The following SIPA1L1 variants were observed in gnomAD, a reference collection of about 807,000 sequenced individuals.
SIPA1L1 encodes the protein signal induced proliferation associated 1 like 1.
Under a neutral mutation model 162.7 loss-of-function variants are expected in SIPA1L1, and 26 were observed. That is an observed-to-expected ratio of 0.16 (90% confidence interval 0.12 to 0.22). The LOEUF (loss-of-function observed/expected upper bound fraction) is 0.22. SIPA1L1 is among the 10% of genes least tolerant of loss of function. The pLI is 1.00. For missense variants in SIPA1L1, 1,874 were observed against 2,241.0 expected, an observed-to-expected ratio of 0.84 and a Z score of 3.31; for synonymous variants, 829 against 837.4, an observed-to-expected ratio of 0.99 and a Z score of 0.17.
rs1169742054 is a variant in SIPA1L1 at position 71,589,324 on chromosome 14, C to T, written c.1452C>T (p.His484=). 1.4e-5 allele frequency: 23 copies of T among 1,613,458 alleles called. No individual in the cohort carries two copies. The highest frequency in any genetic ancestry group is 1.3e-4 in the East Asian group (6 of 44,868). Residue 484 remains histidine, a synonymous_variant, in exon 5 of 24, where the codon CAC becomes CAT. Coordinates refer to ENST00000381232, the MANE Select transcript of SIPA1L1 (RefSeq NM_001386936.1). The part of the protein sequence containing the change: ...LDRVKRYIVE[H]VDLGAYYYRK... Reference sequence around the variant, plus strand: ...GAGTGAAAAGATACATCGTGGAACACGTAGATCTGGGTGCATACTATTATA... The same window carrying T: ...GAGTGAAAAGATACATCGTGGAACATGTAGATCTGGGTGCATACTATTATA...
chr14:71,502,651 A>G (rs2050354052), intron 2 of SIPA1L1, among the ~76,000 whole-genome samples: 1 of 152,182 alleles, frequency 6.6e-6, no homozygotes, highest in Non-Finnish European at 1.5e-5. Context: ...GTTGCAGATA[A>G]CTAAAATAAA....
chr14:71,556,665 C>T (rs114031582), intron 4 of SIPA1L1, among the ~76,000 whole-genome samples: 3,259 of 150,546 alleles, frequency 0.022, 117 homozygotes, highest in African/African-American at 0.075. Flanking sequence ...GGAAGGAGCA[C>T]GGAGCTTCCG....
chr14:71,365,433 A>G (rs2038195978), intron 2 of SIPA1L1, among the ~76,000 whole-genome samples: 2 of 151,862 alleles, frequency 1.3e-5, no homozygotes, highest in South Asian at 2.1e-4. Context: ...TCTTTCCACT[A>G]TTGCCCGTAG....
chr14:71,699,950 C>T (rs1001944511), intron 14 of SIPA1L1, among the ~76,000 whole-genome samples: 4 of 152,214 alleles, frequency 2.6e-5, no homozygotes, highest in Non-Finnish European at 5.9e-5. Flanking sequence ...CTACTAAATG[C>T]TTCTCTGAAC....
intron 4 of SIPA1L1, among the ~76,000 whole-genome samples, chr14:71,544,327 C>T (rs1007162018): frequency 2.0e-5 from 3 of 150,198 alleles, no homozygotes; most frequent in African/African-American, 7.4e-5. Context: ...TATGTATATA[C>T]ATATATCATG....
chr14:71,736,937 C>T (rs2085349590), intron 22 of SIPA1L1, among the ~76,000 whole-genome samples: 1 of 152,226 alleles, frequency 6.6e-6, no homozygotes, highest in African/African-American at 2.4e-5. Flanking sequence ...CCACTGCTGC[C>T]CGGCCCCAGC....
chr14:71,612,407 G>A (rs996129802), intron 5 of SIPA1L1, among the ~76,000 whole-genome samples: 3 of 151,974 alleles, frequency 2.0e-5, no homozygotes, highest in African/African-American at 4.8e-5. Flanking sequence ...TATTTGCTTT[G>A]TGTTTCTTTG....
chr14:71,618,746 T>C lies in SIPA1L1; in HGVS notation c.1499-11T>C, dbSNP rs757844593. 4 of 1,511,182 alleles carry C rather than the reference T, an allele frequency of 2.6e-6. No individual in the cohort carries two copies. The highest frequency in any genetic ancestry group is 3.5e-5 in the Admixed American group (2 of 56,788). The allele number at this position is 1,511,182 out of a possible 1,614,324, so 93.6% of individuals were successfully genotyped here. The stretch of plus-strand genomic sequence containing the variant: ...GATTTTCTAACTTTGTTTTGTCTTA[T>C]TTTACCTAAGAACACTGGAACTATT... On this transcript the variant is annotated splice_polypyrimidine_tract_variant and intron_variant, in intron 5 of 23. Transcript: ENST00000381232.
chr14:71,492,906 A>T (rs1280480652), intron 2 of SIPA1L1, among the ~76,000 whole-genome samples: 2 of 151,244 alleles, frequency 1.3e-5, no homozygotes, highest in Non-Finnish European at 2.9e-5. Flanking sequence ...GATTATAGGC[A>T]TGAGCCATTG....
At chr14:71,445,223 T>C (rs2045250108) in intron 2 of SIPA1L1, among the ~76,000 whole-genome samples, 1 of 152,184 alleles carries the variant, frequency 6.6e-6, no homozygotes, top group African/African-American at 2.4e-5. Flanking sequence ...AGGAAAACTT[T>C]GTTCTTTCAA....
intron 10 of SIPA1L1, among the ~76,000 whole-genome samples, chr14:71,669,140 C>G (rs117174696): frequency 6.6e-6 from 1 of 152,182 alleles, no homozygotes; most frequent in East Asian, 1.9e-4. Flanking sequence ...TCTGACTATG[C>G]GAAGCTGATT....
chr14:71,335,124 C>A (rs924198563), intron 2 of SIPA1L1, among the ~76,000 whole-genome samples: 2 of 152,104 alleles, frequency 1.3e-5, no homozygotes, highest in Non-Finnish European at 2.9e-5. Flanking sequence ...CACGGAGAAA[C>A]CCCGTCTCTA....
intron 4 of SIPA1L1, among the ~76,000 whole-genome samples, chr14:71,558,418 C>T (rs2056520815): frequency 6.6e-6 from 1 of 152,084 alleles, no homozygotes; most frequent in Non-Finnish European, 1.5e-5. Flanking sequence ...TTTTAGGAGA[C>T]AGTAGGAAAC....
Position 71,727,916 on chromosome 14 carries a change from G to A in SIPA1L1, c.4615-2139G>A, listed in dbSNP as rs528987597. Among the ~76,000 whole-genome samples, 11 of 152,298 alleles carry A rather than the reference G, an allele frequency of 7.2e-5. No homozygotes were observed. In the South Asian group the frequency reaches 2.3e-3, roughly 32 times the overall value. The stretch of plus-strand genomic sequence containing the variant: ...GGGTAGGTTGCTTCCTCTGCTTCCT[G>A]CCCTGCCTCCCTTCACTGCAGGGTG... On this transcript the variant is annotated intron_variant, in intron 19 of 23. Transcript: ENST00000381232.
At chr14:71,613,584 C>G (rs1219439266) in intron 5 of SIPA1L1, among the ~76,000 whole-genome samples, 1 of 152,072 alleles carries the variant, frequency 6.6e-6, no homozygotes, top group Admixed American at 6.5e-5. Flanking sequence ...ATTCCTCTTC[C>G]CTTCCCCTGA....
intron 7 of SIPA1L1, among the ~76,000 whole-genome samples, chr14:71,625,299 T>C (rs1018880356): frequency 8.6e-5 from 13 of 151,682 alleles, no homozygotes; most frequent in African/African-American, 3.1e-4. Context: ...TTTTCTCTCT[T>C]CTCTTTTTTT....
intron 8 of SIPA1L1, among the ~76,000 whole-genome samples, chr14:71,650,735 A>G (rs1401202321): frequency 1.3e-5 from 2 of 152,190 alleles, no homozygotes; most frequent in African/African-American, 2.4e-5. Context: ...AGGTGTGTGC[A>G]TGGAGTGGGG....
chr14:71,609,930 T>C (rs1249616815), intron 5 of SIPA1L1, among the ~76,000 whole-genome samples: 2 of 139,726 alleles, frequency 1.4e-5, no homozygotes, highest in South Asian at 5.2e-4. Context: ...GGAGTAAAAA[T>C]ACAAAGCAAA....
At chr14:71,688,251 A>G (rs192115778) in intron 13 of SIPA1L1, among the ~76,000 whole-genome samples, 2 of 152,362 alleles carry the variant, frequency 1.3e-5, no homozygotes, top group East Asian at 1.9e-4. Flanking sequence ...GAGCACTGAC[A>G]TGATGCTCAA....
Sources: gnomAD v4.1 joint callset for allele counts (sites outside exome capture counted in the v4.1 genomes callset) on GRCh38, gnomAD v4.1.1 for gene constraint, MANE v1.5 for transcripts, NCBI Gene and HGNC (gene_info 2026-07-23, HGNC 2026-07-21) for gene names.